SPOCK3: variants seen among roughly 807,000 people sequenced by gnomAD.
SPOCK3 encodes the protein SPARC (osteonectin), cwcv and kazal like domains proteoglycan 3, also known as testican-3.
Under a neutral mutation model 56.6 loss-of-function variants are expected in SPOCK3, and 30 were observed. That is an observed-to-expected ratio of 0.53 (90% confidence interval 0.40 to 0.72). The LOEUF is 0.72. SPOCK3 is among the 30% of genes least tolerant of loss of function. The pLI is 0.00. For synonymous variants in SPOCK3, 196 were observed against 183.3 expected (o/e 1.07, Z -0.56); for missense variants, 527 against 530.0 (o/e 0.99, Z 0.06).
chr4:167,086,796 T>C (rs753265361), intron 2 of SPOCK3, among the ~76,000 whole-genome samples: 1 of 152,134 alleles, frequency 6.6e-6, no homozygotes, highest in Non-Finnish European at 1.5e-5. Flanking sequence ...GCTCATTCTT[T>C]ATATAGCCTC....
At chr4:166,977,565 C>T (rs1561077414) in intron 4 of SPOCK3, among the ~76,000 whole-genome samples, 2 of 151,940 alleles carry the variant, frequency 1.3e-5, no homozygotes, top group African/African-American at 4.8e-5. Flanking sequence ...ATGTTTTTCT[C>T]TGTGTTACTT....
chr4:166,892,096 A>AT (rs1181936277), intron 5 of SPOCK3, among the ~76,000 whole-genome samples: 14 of 152,172 alleles, frequency 9.2e-5, no homozygotes, highest in African/African-American at 2.6e-4. Context: ...TTGATGATTC[A>AT]TTTTTTATAT....
chr4:167,007,160 C>T (rs1749548078), intron 3 of SPOCK3, among the ~76,000 whole-genome samples: 2 of 152,048 alleles, frequency 1.3e-5, no homozygotes, highest in African/African-American at 4.8e-5. Context: ...ACATTAATAC[C>T]CTGGCTTCTG....
intron 2 of SPOCK3, among the ~76,000 whole-genome samples, chr4:167,110,031 G>T (rs1005057647): frequency 6.6e-6 from 1 of 151,872 alleles, no homozygotes; most frequent in African/African-American, 2.4e-5. Flanking sequence ...TCTCTCTAGG[G>T]TATTTGCTTG....
chr4:166,752,437 T>G (rs1736495673), intron 8 of SPOCK3, among the ~76,000 whole-genome samples: 1 of 152,038 alleles, frequency 6.6e-6, no homozygotes, highest in South Asian at 2.1e-4. Context: ...ACTATGCAAC[T>G]GTAGTCTTCA....
chr4:166,753,526 C>T (rs28626960), intron 8 of SPOCK3, among the ~76,000 whole-genome samples: 78,256 of 151,564 alleles, frequency 0.52, 21,444 homozygotes, highest in South Asian at 0.66. Flanking sequence ...TCAATTTATG[C>T]ATATTCATTT....
intron 6 of SPOCK3, among the ~76,000 whole-genome samples, chr4:166,874,031 A>G (rs1732793044): frequency 6.6e-6 from 1 of 152,184 alleles, no homozygotes; most frequent in African/African-American, 2.4e-5. Flanking sequence ...AGATGCATGT[A>G]TAGCAAATGA....
intron 4 of SPOCK3, among the ~76,000 whole-genome samples, chr4:166,970,077 GTCTT>G (rs1745211144): frequency 6.6e-6 from 1 of 152,092 alleles, no homozygotes; most frequent in African/African-American, 2.4e-5. Context: ...AAACACACTA[GTCTT>G]TCTTTTGCCA....
rs1214675013 is a variant in SPOCK3 at position 166,920,329 on chromosome 4, G to A, written c.351-7586C>T. On this transcript the variant is annotated intron_variant, in intron 4 of 10. Coordinates refer to ENST00000357545, the MANE Select transcript of SPOCK3 (RefSeq NM_001040159.2). ...GTGGTGTCTGGAGAGTATACCTCCT[G>A]GCTAATGAAATCTGAAATTTATATG... Among the ~76,000 whole-genome samples, 4 of 151,980 alleles carry A rather than the reference G, an allele frequency of 2.6e-5. No homozygotes were observed. The East Asian group carries it at 5.8e-4, about 22-fold the overall frequency.
chr4:166,754,671 T>C lies in SPOCK3; in HGVS notation c.768A>G (p.Arg256=). The change falls in exon 8 of 11, where the codon AGA becomes AGG. Residue 256 remains arginine (R), a synonymous_variant. Coordinates refer to ENST00000357545, the MANE Select transcript of SPOCK3 (RefSeq NM_001040159.2). ...ATAGCAGGTCATAGTTTGTATCAAG[T>C]CTGTTAAACATCCAGCCAAGTGAGT... ...CKDSLGWMFN[R]LDTNYDLLLD... is the part of the protein sequence containing the mutation. 1 of 1,613,724 alleles carries C rather than the reference T, an allele frequency of 6.2e-7. No homozygotes were observed. Among genetic ancestry groups the C allele is most frequent in the Admixed American group, 1.7e-5 (1 of 59,942 alleles).
chr4:166,918,494 A>G (rs1738132506), intron 4 of SPOCK3: 1 of 152,172 alleles, frequency 6.6e-6, no homozygotes, highest in Non-Finnish European at 1.5e-5. Flanking sequence ...CTGTAGACTA[A>G]AATACTTTAT....
At chr4:167,041,102 A>G (rs544598769) in intron 3 of SPOCK3, among the ~76,000 whole-genome samples, 5 of 152,348 alleles carry the variant, frequency 3.3e-5, no homozygotes, top group Non-Finnish European at 5.9e-5. Flanking sequence ...GGAGTAAAAT[A>G]AAATAGATTA....
At chr4:167,104,124 G>T (rs557423039) in intron 2 of SPOCK3, among the ~76,000 whole-genome samples, 1 of 152,216 alleles carries the variant, frequency 6.6e-6, no homozygotes, top group African/African-American at 2.4e-5. Flanking sequence ...GTACGAACAA[G>T]CCCAATTTGT....
intron 6 of SPOCK3, among the ~76,000 whole-genome samples, chr4:166,877,685 C>T (rs1672015402): frequency 6.6e-6 from 1 of 151,990 alleles, no homozygotes; most frequent in Admixed American, 6.6e-5. Flanking sequence ...CAGAGATAAA[C>T]CATACTTTCA....
intron 2 of SPOCK3, among the ~76,000 whole-genome samples, chr4:167,109,334 A>AAT (rs1760617335): frequency 1.2e-5 from 1 of 84,046 alleles, no homozygotes; most frequent in Non-Finnish European, 2.1e-5. Context: ...AATATATATT[A>AAT]ATATTATATA....
chr4:167,113,596 G>T (rs930141346), intron 2 of SPOCK3, among the ~76,000 whole-genome samples: 7 of 151,966 alleles, frequency 4.6e-5, no homozygotes, highest in African/African-American at 1.7e-4. Flanking sequence ...TTACCTAAGG[G>T]TCTATTAAGG....
chr4:167,152,242 T>C (rs1561270861), intron 2 of SPOCK3, among the ~76,000 whole-genome samples: 1 of 152,180 alleles, frequency 6.6e-6, no homozygotes, highest in Non-Finnish European at 1.5e-5. Flanking sequence ...AAGTATACCG[T>C]TAATACAAAT....
At chr4:166,895,154 C>G (rs1187241612) in intron 5 of SPOCK3, among the ~76,000 whole-genome samples, 1 of 151,574 alleles carries the variant, frequency 6.6e-6, no homozygotes, top group African/African-American at 2.4e-5. Flanking sequence ...AAAATAAAAC[C>G]TATAAAAATA....
chr4:167,078,283 A>G (rs992771256), intron 2 of SPOCK3, among the ~76,000 whole-genome samples: 27 of 150,036 alleles, frequency 1.8e-4, no homozygotes, highest in African/African-American at 6.6e-4. Flanking sequence ...GTAAATGTAT[A>G]CCTATGTGTA....
Sources: allele counts gnomAD v4.1 joint callset (sites outside exome capture counted in the v4.1 genomes callset), GRCh38; gene constraint gnomAD v4.1.1; transcripts MANE v1.5; gene names NCBI Gene and HGNC (gene_info 2026-07-23, HGNC 2026-07-21).